The following MMP26 variants were observed in gnomAD, a reference collection of about 807,000 sequenced individuals.
The protein encoded by MMP26 is matrix metallopeptidase 26.
A neutral mutation model predicts 31.0 loss-of-function variants in MMP26; 33 were observed. That is an observed-to-expected ratio of 1.06 (90% CI 0.81 to 1.42). The LOEUF is 1.42. Among genes scored for constraint, MMP26 ranks in the 40% most tolerant of loss-of-function variants. MMP26 has a pLI of 0.00. For missense variants in MMP26, 347 were observed against 316.1 expected (o/e 1.10, Z -0.74); for synonymous variants, 122 against 114.9 (o/e 1.06, Z -0.40).
At chr11:4,732,366 T>G (rs1848184270) in intron 1 of MMP26, among the ~76,000 whole-genome samples, 1 of 152,152 alleles carries the variant, frequency 6.6e-6, no homozygotes, top group South Asian at 2.1e-4. Flanking sequence ...ATTACCTTCC[T>G]TATGGAATCT....
At chr11:4,705,308 A>T (rs1047051762) in intron 1 of MMP26, among the ~76,000 whole-genome samples, 1 of 152,198 alleles carries the variant, frequency 6.6e-6, no homozygotes, top group African/African-American at 2.4e-5. Context: ...AGTTTGCGAG[A>T]GCATGGCGTT....
At chr11:4,926,226 A>T (rs761681592) in intron 2 of MMP26, among the ~76,000 whole-genome samples, 2 of 152,068 alleles carry the variant, frequency 1.3e-5, no homozygotes, top group Non-Finnish European at 2.9e-5. Flanking sequence ...ATGAGAAGCA[A>T]AAAAAAGGGA....
In MMP26 at chr11:4,860,117, C is replaced by G. The variant is rs1356797455; in HGVS notation, c.-145+92776C>G. ...ACCACACAGACTGCCCGGGTGAGGA[C>G]AGCTATTCCAGTCTTTCGAATAACA... On this transcript the variant is annotated intron_variant, in intron 2 of 7. Transcript: ENST00000380390. The G allele has an allele frequency of 6.4e-6, 3 of 471,066 alleles. No individual in the cohort carries two copies. The Admixed American group carries it at 7.1e-5, about 11-fold the overall frequency. 29.2% of individuals were successfully genotyped at this position (471,066 alleles called of 1,614,324 possible).
At chr11:4,973,822 A>T (rs1846699700) in intron 2 of MMP26, 1 of 152,760 alleles carries the variant, frequency 6.5e-6, no homozygotes, top group Admixed American at 6.6e-5. Flanking sequence ...CATGCTCCAA[A>T]CCTGGGATCC....
At chr11:4,963,014 G>T (rs192262791) in intron 2 of MMP26, among the ~76,000 whole-genome samples, 1 of 152,264 alleles carries the variant, frequency 6.6e-6, no homozygotes. Context: ...CTGCCTAACA[G>T]ATGCTTTCCC....
At chr11:4,904,232 C>A (rs1169030431) in intron 2 of MMP26, among the ~76,000 whole-genome samples, 1 of 152,088 alleles carries the variant, frequency 6.6e-6, no homozygotes, top group East Asian at 1.9e-4. Context: ...TACCACATTT[C>A]ACAGAAGAGC....
chr11:4,714,920 T>TCTCTCA (rs376354906), intron 1 of MMP26, among the ~76,000 whole-genome samples: 2,962 of 141,702 alleles, frequency 0.021, 48 homozygotes, highest in Non-Finnish European at 0.032. Context: ...TCTCTCTCTC[T>TCTCTCA]CACACACACA....
intron 2 of MMP26, among the ~76,000 whole-genome samples, chr11:4,979,118 C>A (rs888893106): frequency 1.3e-5 from 2 of 152,052 alleles, no homozygotes; most frequent in Non-Finnish European, 2.9e-5. Context: ...CTCCCAGAAG[C>A]ATGTAGAAAG....
intron 2 of MMP26, among the ~76,000 whole-genome samples, chr11:4,843,707 G>A (rs975991401): frequency 2.0e-5 from 3 of 152,178 alleles, no homozygotes; most frequent in South Asian, 4.1e-4. Context: ...GGCTATTAAC[G>A]TTTGGCTCCT....
chr11:4,990,829 C>G (rs570197936), intron 5 of MMP26, 83 bp downstream of exon 5: 10 of 1,404,288 alleles, frequency 7.1e-6, no homozygotes, highest in African/African-American at 1.4e-5. Flanking sequence ...AAAAACCTAG[C>G]CCCCCTATTA....
At chr11:4,749,613 A>G (rs924989086) in intron 1 of MMP26, among the ~76,000 whole-genome samples, 2 of 152,228 alleles carry the variant, frequency 1.3e-5, no homozygotes, top group Admixed American at 1.3e-4. Context: ...GAGAACCCAG[A>G]AATAAAGCCA....
chr11:4,764,165 T>C (rs1381337731), intron 1 of MMP26, among the ~76,000 whole-genome samples: 1 of 152,230 alleles, frequency 6.6e-6, no homozygotes, highest in African/African-American at 2.4e-5. Context: ...GTAACTGTTT[T>C]GTTATTCATC....
intron 2 of MMP26, among the ~76,000 whole-genome samples, chr11:4,827,808 A>T (rs12277512): frequency 0.37 from 55,667 of 151,094 alleles, 12,390 homozygotes; most frequent in South Asian, 0.57. Flanking sequence ...CCTTTCCAAG[A>T]TGAGAGTTCT....
At chr11:4,935,342 C>G (rs1229638966) in intron 2 of MMP26, among the ~76,000 whole-genome samples, 1 of 150,190 alleles carries the variant, frequency 6.7e-6, no homozygotes, top group South Asian at 2.1e-4. Context: ...GAAGCAATTG[C>G]GAATGGGAGT....
At chr11:4,717,976 A>G (rs1375917685) in intron 1 of MMP26, among the ~76,000 whole-genome samples, 2 of 152,196 alleles carry the variant, frequency 1.3e-5, no homozygotes, top group Non-Finnish European at 2.9e-5. Context: ...ATACATAAGT[A>G]TATGTTTTTA....
intron 3 of MMP26, among the ~76,000 whole-genome samples, chr11:4,988,734 T>C (rs1846944772): frequency 6.6e-6 from 1 of 152,142 alleles, no homozygotes; most frequent in Admixed American, 6.5e-5. Context: ...ACTTTCAATT[T>C]CTAAAAAAAT....
chr11:4,926,112 A>G (rs1261857165), intron 2 of MMP26, among the ~76,000 whole-genome samples: 1 of 152,212 alleles, frequency 6.6e-6, no homozygotes, highest in Middle Eastern at 3.2e-3. Context: ...GAAAGAATAC[A>G]ATCCCTGTAG....
intron 2 of MMP26, among the ~76,000 whole-genome samples, chr11:4,970,580 T>A (rs1163666169): frequency 6.6e-6 from 1 of 152,198 alleles, no homozygotes; most frequent in Non-Finnish European, 1.5e-5. Context: ...GAGGCTGTGG[T>A]GAGGCTATTC....
chr11:4,840,338 C>T (rs888125420), intron 2 of MMP26, among the ~76,000 whole-genome samples: 1 of 152,198 alleles, frequency 6.6e-6, no homozygotes, highest in Non-Finnish European at 1.5e-5. Flanking sequence ...ACAAAGACAG[C>T]AGCCAGGAAG....
Sources: allele counts gnomAD v4.1 joint callset (sites outside exome capture counted in the v4.1 genomes callset), GRCh38; gene constraint gnomAD v4.1.1; transcripts MANE v1.5; gene names NCBI Gene and HGNC (gene_info 2026-07-23, HGNC 2026-07-21).